Variants in SYTL3 observed in about 807,000 individuals in gnomAD.
The protein encoded by SYTL3 is synaptotagmin-like protein 3.
A neutral mutation model predicts 82.1 loss-of-function variants in SYTL3; 88 were observed. The ratio of observed to expected loss-of-function variants is 1.07; its 90% CI spans 0.90 to 1.28. The LOEUF is 1.28. Among genes scored for constraint, SYTL3 ranks in the 50% most tolerant of loss-of-function variants. The pLI is 0.00. For missense variants in SYTL3, 831 were observed against 757.6 expected, an observed-to-expected ratio of 1.10 and a Z score of -1.14; for synonymous variants, 311 against 289.4, an observed-to-expected ratio of 1.07 and a Z score of -0.76.
intron 11 of SYTL3, among the ~76,000 whole-genome samples, chr6:158,740,579 C>T (rs1346627912): frequency 6.6e-6 from 1 of 152,168 alleles, no homozygotes; most frequent in African/African-American, 2.4e-5. Flanking sequence ...TTACTCAGGA[C>T]TCGCCTGGTT....
Position 158,689,585 on chromosome 6 carries a change from G to A in SYTL3, c.394+6596G>A, listed in dbSNP as rs145038904. ...ATAATTTCTTTTGCTTTTATGCTTC[G>A]AGACTTCTTCCTTATCCTGTGATAG... On this transcript the variant is annotated intron_variant, in intron 6 of 17. Transcript: ENST00000611299. Among the ~76,000 whole-genome samples, 715 of 151,642 alleles carry A rather than the reference G, an allele frequency of 4.7e-3. 5 individuals are homozygous for A. The highest frequency in any genetic ancestry group is 0.014 in the Middle Eastern group (4 of 290).
intron 8 of SYTL3, among the ~76,000 whole-genome samples, chr6:158,710,197 TAAAG>T (rs780790721): frequency 5.3e-5 from 8 of 152,310 alleles, no homozygotes; most frequent in African/African-American, 1.7e-4. Flanking sequence ...ACCATATTCA[TAAAG>T]AAATACATCA....
In SYTL3 at chr6:158,744,456, C is replaced by T. The variant is rs200613839; in HGVS notation, c.856-1024C>T. On this transcript the variant is annotated intron_variant, in intron 11 of 17. Coordinates refer to ENST00000611299, the MANE Select transcript of SYTL3 (RefSeq NM_001242394.2). Reference sequence around the variant, plus strand: ...GGAGTAGCTGGGACTATAGCTGGGACGCCACCATGCCTGGCTAATTTTTTT... The same window carrying T: ...GGAGTAGCTGGGACTATAGCTGGGATGCCACCATGCCTGGCTAATTTTTTT... Among the ~76,000 whole-genome samples the T allele has an allele frequency of 1.4e-4, 21 of 151,542 alleles. No individual in the cohort carries two copies. In the South Asian group the frequency reaches 3.3e-3, roughly 24 times the overall value.
intron 9 of SYTL3, 88 bp from the exon 10 acceptor site, chr6:158,717,999 G>T (rs978781576): frequency 7.6e-6 from 10 of 1,318,504 alleles, no homozygotes; most frequent in Middle Eastern, 1.9e-4. Flanking sequence ...CCCACTGTCT[G>T]TGGGTTCAGT....
chr6:158,697,553 C>T (rs1174744535), intron 6 of SYTL3, among the ~76,000 whole-genome samples: 5 of 151,904 alleles, frequency 3.3e-5, no homozygotes, highest in African/African-American at 1.2e-4. Context: ...TGGACATCAT[C>T]AAAATGAAAA....
At chr6:158,668,529 G>A (rs185681870) in intron 5 of SYTL3, among the ~76,000 whole-genome samples, 3 of 149,602 alleles carry the variant, frequency 2.0e-5, no homozygotes, top group African/African-American at 7.6e-5. Flanking sequence ...GCGCCCGGCC[G>A]GCAGAGTCTT....
chr6:158,704,381 G>T (rs1781718634), intron 6 of SYTL3, among the ~76,000 whole-genome samples: 1 of 152,244 alleles, frequency 6.6e-6, no homozygotes. Flanking sequence ...GCAGGGGGCA[G>T]CAGAAAGCCA....
At chr6:158,682,886 CT>C in intron 5 of SYTL3, 38 bp from the exon 6 acceptor site, 1 of 1,527,584 alleles carries the variant, frequency 6.5e-7, no homozygotes, top group Non-Finnish European at 9.1e-7. Context: ...CTATTCATAT[CT>C]TCTCTCTCTG....
At chr6:158,739,056 G>A (rs145114395) in intron 11 of SYTL3, among the ~76,000 whole-genome samples, 422 of 152,290 alleles carry the variant, frequency 2.8e-3, no homozygotes, top group African/African-American at 9.0e-3. Flanking sequence ...AAAAGAAGGC[G>A]CCGTCTCTTC....
intron 5 of SYTL3, among the ~76,000 whole-genome samples, chr6:158,674,484 C>G (rs571501915): frequency 6.6e-6 from 1 of 152,316 alleles, no homozygotes; most frequent in Non-Finnish European, 1.5e-5. Flanking sequence ...TCCATGTACC[C>G]TGACTATGGC....
At chr6:158,688,120 A>G (rs6919055) in intron 6 of SYTL3, among the ~76,000 whole-genome samples, 8,338 of 152,282 alleles carry the variant, frequency 0.055, 428 homozygotes, top group African/African-American at 0.14. Flanking sequence ...AAATGTATTG[A>G]TGACTCCATA....
At chr6:158,668,166 CCTT>C (rs1398374411) in intron 5 of SYTL3, among the ~76,000 whole-genome samples, 6 of 152,196 alleles carry the variant, frequency 3.9e-5, no homozygotes, top group African/African-American at 1.2e-4. Flanking sequence ...CCCCAGGCCT[CCTT>C]CTGAATCTCC....
chr6:158,708,325 A>G lies in SYTL3; in HGVS notation c.450A>G (p.Lys150=). 6.2e-7 allele frequency: 1 copy of G among 1,614,018 alleles called. No homozygotes were observed. The highest frequency in any genetic ancestry group is 8.5e-7 in the Non-Finnish European group (1 of 1,179,952). The change falls in exon 8 of 18, where the codon AAA becomes AAG. Residue 150 remains lysine (K), a synonymous_variant. Transcript: ENST00000611299. ...ATGCCTGTGTTTTCCTTGGCAGCAA[A>G]ATTTCTGTGGTTCCTCCTACTCCAC... ...QLLQSYQKLS[K]ISVVPPTPPP...
At chr6:158,719,242 A>AT (rs1783787727) in intron 10 of SYTL3, among the ~76,000 whole-genome samples, 1 of 152,210 alleles carries the variant, frequency 6.6e-6, no homozygotes. Context: ...TTTTATCTTC[A>AT]TAACCACCAT....
chr6:158,675,475 A>C (rs1425723650), intron 5 of SYTL3, among the ~76,000 whole-genome samples: 1 of 152,168 alleles, frequency 6.6e-6, no homozygotes, highest in Non-Finnish European at 1.5e-5. Context: ...GTGGAAAAAA[A>C]CGAGTATTTT....
chr6:158,758,061 T>C (rs780154314), intron 14 of SYTL3, among the ~76,000 whole-genome samples: 2 of 152,068 alleles, frequency 1.3e-5, no homozygotes, highest in Admixed American at 6.6e-5. Context: ...CTTTGTACTT[T>C]GCTGTGTCCA....
chr6:158,723,470 C>T (rs554749727), intron 10 of SYTL3, among the ~76,000 whole-genome samples: 2 of 152,244 alleles, frequency 1.3e-5, no homozygotes, highest in South Asian at 2.1e-4. Context: ...GGCAGAGTCA[C>T]GTGTTTTCCA....
intron 5 of SYTL3, among the ~76,000 whole-genome samples, chr6:158,674,501 T>A (rs1777805483): frequency 6.6e-6 from 1 of 152,216 alleles, no homozygotes; most frequent in South Asian, 2.1e-4. Flanking sequence ...TGGCATTTTA[T>A]CGGAAGCTCT....
At chr6:158,752,101 G>A in intron 13 of SYTL3, 71 bp downstream of exon 13, 2 of 1,039,952 alleles carry the variant, frequency 1.9e-6, no homozygotes, top group Non-Finnish European at 2.7e-6. Context: ...GCAGAGTCCA[G>A]TGGATGGTGC....
Sources: allele counts gnomAD v4.1 joint callset (sites outside exome capture counted in the v4.1 genomes callset), GRCh38; gene constraint gnomAD v4.1.1; transcripts MANE v1.5; gene names NCBI Gene and HGNC (gene_info 2026-07-23, HGNC 2026-07-21).